ATP13A3: variants seen among roughly 807,000 people sequenced by gnomAD.
ATP13A3 encodes polyamine-transporting ATPase 13A3.
In ATP13A3, 59 loss-of-function variants were observed where a neutral mutation model predicts 158.1. That is an observed-to-expected ratio of 0.37 (90% CI 0.30 to 0.46). The LOEUF (loss-of-function observed/expected upper bound fraction) is 0.46, where lower values mean the gene tolerates loss of function less well. Ranked by LOEUF, ATP13A3 falls within the 20% of genes least tolerant of loss-of-function variation. The pLI, the probability that ATP13A3 is intolerant of heterozygous loss-of-function variation, is 1.00. For missense variants in ATP13A3, 1,166 were observed against 1,525.2 expected (o/e 0.76, Z 3.92); for synonymous variants, 491 against 504.3 (o/e 0.97, Z 0.35).
At chr3:194,412,633 C>A in intron 32 of ATP13A3, 1 of 249,430 alleles carries the variant, frequency 4.0e-6, no homozygotes. Context: ...ATTCTATATC[C>A]CTATCTATAG....
intron 33 of ATP13A3, among the ~76,000 whole-genome samples, chr3:194,410,032 T>A (rs1715242602): frequency 6.6e-6 from 1 of 151,738 alleles, no homozygotes; most frequent in South Asian, 2.1e-4. Flanking sequence ...AACGGAAGAC[T>A]TAAATTCTTG....
At chr3:194,444,257 A>C (rs9820093) in intron 15 of ATP13A3, among the ~76,000 whole-genome samples, 29,421 of 152,192 alleles carry the variant, frequency 0.19, 3,705 homozygotes, top group East Asian at 0.5. Context: ...AGTGCAGAGA[A>C]AAAAGAAGAA....
At chr3:194,473,546 C>T (rs1205998029) in intron 2 of ATP13A3, among the ~76,000 whole-genome samples, 1 of 151,416 alleles carries the variant, frequency 6.6e-6, no homozygotes, top group African/African-American at 2.4e-5. Context: ...TGAATCTGTC[C>T]TACCTTTTTA....
intron 15 of ATP13A3, 43 bp downstream of exon 15, chr3:194,444,682 T>C: frequency 6.7e-7 from 1 of 1,495,898 alleles, no homozygotes; most frequent in Non-Finnish European, 9.1e-7. Context: ...TGTTAAAATA[T>C]TAAAAATAAA....
intron 2 of ATP13A3, among the ~76,000 whole-genome samples, chr3:194,478,859 T>A (rs1235333109): frequency 6.6e-6 from 1 of 152,088 alleles, no homozygotes; most frequent in Non-Finnish European, 1.5e-5. Flanking sequence ...TTCATCGATG[T>A]CTCCCCAGCA....
chr3:194,444,821 G>A, intron 14 of ATP13A3, 35 bp from the exon 15 acceptor site: 1 of 1,530,532 alleles, frequency 6.5e-7, no homozygotes, highest in Non-Finnish European at 8.8e-7. Flanking sequence ...CACAAAGTAT[G>A]GATGATGCCT....
chr3:194,447,715 T>A (rs1026415048), intron 13 of ATP13A3, 137 bp downstream of exon 13: 15 of 768,772 alleles, frequency 2.0e-5, no homozygotes, highest in African/African-American at 1.6e-4. Context: ...CATGACTTTG[T>A]TAGCATTAAA....
chr3:194,406,890 G>T (rs143932200), intron 33 of ATP13A3, among the ~76,000 whole-genome samples: 217 of 152,224 alleles, frequency 1.4e-3, no homozygotes, highest in African/African-American at 5.0e-3. Context: ...GTTTCCGTCG[G>T]TGCTCCACGA....
At chr3:194,453,618 G>T in intron 10 of ATP13A3, 88 bp downstream of exon 10, 1 of 967,406 alleles carries the variant, frequency 1.0e-6, no homozygotes, top group Non-Finnish European at 1.6e-6. Context: ...ATCAAAGAAT[G>T]TATATGTATT....
intron 7 of ATP13A3, among the ~76,000 whole-genome samples, chr3:194,456,182 C>T (rs1421698254): frequency 2.0e-5 from 3 of 152,072 alleles, no homozygotes; most frequent in Non-Finnish European, 4.4e-5. Context: ...TGTCTCACAT[C>T]TTTATGTGTG....
At chr3:194,455,674 T>C (rs976590749) in intron 8 of ATP13A3, among the ~76,000 whole-genome samples, 4 of 152,216 alleles carry the variant, frequency 2.6e-5, no homozygotes, top group African/African-American at 9.6e-5. Flanking sequence ...CTGCTAGACA[T>C]TCAACAGGTA....
rs764313311 is a variant in ATP13A3 at position 194,438,977 on chromosome 3, AAAAAAAAAAGAGAC to A, written c.1711-19_1711-6del. ...TTCAGTTGCTTCTTCCAGAATCTGGAAAAAAAAAAGAGACAAAAAAAAACAAAAACACAACATTC... is the reference window on the plus strand; with the variant it reads ...TTCAGTTGCTTCTTCCAGAATCTGGAAAAAAAAAACAAAAACACAACATTC... On this transcript the variant is annotated splice_region_variant and splice_polypyrimidine_tract_variant and intron_variant, in intron 16 of 33. Coordinates refer to ENST00000645319, the MANE Select transcript of ATP13A3 (RefSeq NM_001367549.1). 3 of 1,349,314 alleles carry A rather than the reference AAAAAAAAAAGAGAC, an allele frequency of 2.2e-6. No homozygotes were observed. Among genetic ancestry groups the A allele is most frequent in the Admixed American group, 2.3e-5 (1 of 43,758 alleles). The allele number at this position is 1,349,314 out of a possible 1,614,324, so 83.6% of individuals were successfully genotyped here.
Position 194,493,153 on chromosome 3 carries a change from TC to T in ATP13A3, n.746+896del, listed in dbSNP as rs926646621. On this transcript the variant is annotated intron_variant and non_coding_transcript_variant, in intron 2 of 32. Transcript: ENST00000687055. ...CAGCTCTTAAAAAAAAAAAAAAAAA[TC>T]CCCCATCCCCACCCAAACCATCTCT... Among the ~76,000 whole-genome samples, 3 of 139,254 alleles carry T rather than the reference TC, an allele frequency of 2.2e-5. 1 individual carries two copies. Among genetic ancestry groups the T allele is most frequent in the Middle Eastern group, 7.4e-3 (2 of 272 alleles). 91.4% of individuals were successfully genotyped at this position (139,254 alleles called of 152,430 possible). A position where few individuals can be genotyped will look rare whatever the true frequency, so the allele number is the denominator to read the frequency against.
At chr3:194,416,588 C>G (rs1031168852) in intron 31 of ATP13A3, among the ~76,000 whole-genome samples, 1 of 152,126 alleles carries the variant, frequency 6.6e-6, no homozygotes, top group African/African-American at 2.4e-5. Flanking sequence ...TAATGGTGAA[C>G]TATTAGGAAC....
chr3:194,473,887 G>GA (rs1720417469), intron 2 of ATP13A3, among the ~76,000 whole-genome samples: 1 of 151,956 alleles, frequency 6.6e-6, no homozygotes, highest in South Asian at 2.1e-4. Flanking sequence ...ATAAAAACAG[G>GA]AAAAAAGGAA....
chr3:194,415,181 C>CTG (rs1341785520), intron 31 of ATP13A3, among the ~76,000 whole-genome samples: 6 of 152,092 alleles, frequency 3.9e-5, no homozygotes, highest in African/African-American at 7.2e-5. Flanking sequence ...ATGGCTAACT[C>CTG]GTCAAATACT....
At chr3:194,442,555 GA>G (rs748625728) in intron 15 of ATP13A3, among the ~76,000 whole-genome samples, 4 of 152,186 alleles carry the variant, frequency 2.6e-5, no homozygotes, top group Non-Finnish European at 4.4e-5. Context: ...AGACACTGTA[GA>G]TGCGAGAGTA....
chr3:194,433,662 A>T (rs767132703), intron 21 of ATP13A3, 110 bp downstream of exon 21: 17 of 1,345,194 alleles, frequency 1.3e-5, no homozygotes, highest in Non-Finnish European at 1.7e-5. Flanking sequence ...CTTAGGTTGA[A>T]ACCACTATAG....
At position 194,430,194 on chromosome 3, in the gene ATP13A3, A is replaced by C. The variant is rs374485689; in HGVS notation, c.2668-13T>G. 5.0e-5 allele frequency: 81 copies of C among 1,613,678 alleles called. No individual in the cohort carries two copies. Among genetic ancestry groups the C allele is most frequent in the Admixed American group, 2.8e-4 (17 of 59,936 alleles). ...CCCTCTTCAAAGCCTAATAATTTTA[A>C]GAAAACTGGTTAAGTTTTGTGAATA... On this transcript the variant is annotated splice_polypyrimidine_tract_variant and intron_variant, in intron 25 of 33. Transcript: ENST00000645319.
Sources: allele counts gnomAD v4.1 joint callset (sites outside exome capture counted in the v4.1 genomes callset), GRCh38; gene constraint gnomAD v4.1.1; transcripts MANE v1.5; gene names NCBI Gene and HGNC (gene_info 2026-07-23, HGNC 2026-07-21).